FAM117B: variants seen among roughly 807,000 people sequenced by gnomAD.
FAM117B encodes the protein protein FAM117B.
In FAM117B, 22 loss-of-function variants were observed where a neutral mutation model predicts 52.8. The ratio of observed to expected loss-of-function variants is 0.42; its 90% CI spans 0.30 to 0.59. FAM117B has a LOEUF of 0.59. Among genes scored for constraint, FAM117B ranks in the 20% least tolerant of loss-of-function variants. The probability of loss-of-function intolerance (pLI) is 0.22; values close to 1 mark genes in which losing one functional copy is unlikely to be tolerated. For missense variants in FAM117B, 678 were observed against 802.6 expected (o/e 0.84, Z 1.88); for synonymous variants, 309 against 324.1 (o/e 0.95, Z 0.50).
At chr2:202,760,746 C>T (rs561246011) in intron 7 of FAM117B, among the ~76,000 whole-genome samples, 1 of 152,248 alleles carries the variant, frequency 6.6e-6, no homozygotes, top group East Asian at 1.9e-4. Context: ...TGCTAGTAAT[C>T]ATCTCAGTAA....
At chr2:202,645,825 C>G (rs1383171976) in intron 1 of FAM117B, among the ~76,000 whole-genome samples, 3 of 148,550 alleles carry the variant, frequency 2.0e-5, no homozygotes, top group East Asian at 4.1e-4. Flanking sequence ...AGGCTGGTCT[C>G]GAACTCCTGA....
At chr2:202,674,483 T>C (rs1033031334) in intron 1 of FAM117B, among the ~76,000 whole-genome samples, 19 of 152,316 alleles carry the variant, frequency 1.2e-4, no homozygotes, top group African/African-American at 4.1e-4. Context: ...AATTCCATAC[T>C]CTATCTACTC....
chr2:202,715,581 G>A (rs1417909705), intron 2 of FAM117B, among the ~76,000 whole-genome samples: 3 of 150,960 alleles, frequency 2.0e-5, no homozygotes, highest in Admixed American at 6.6e-5. Flanking sequence ...GGGAAGAGGC[G>A]CTCCTCACTT....
intron 1 of FAM117B, among the ~76,000 whole-genome samples, chr2:202,687,542 T>C (rs1159791916): frequency 6.6e-6 from 1 of 152,182 alleles, no homozygotes; most frequent in Non-Finnish European, 1.5e-5. Flanking sequence ...CTCTTGTAGC[T>C]GGGACTACAG....
chr2:202,718,361 T>G (rs1385643265), intron 2 of FAM117B, among the ~76,000 whole-genome samples: 1 of 151,736 alleles, frequency 6.6e-6, no homozygotes, highest in Non-Finnish European at 1.5e-5. Context: ...TTTATGAATT[T>G]TATTTTATTA....
At chr2:202,647,362 C>A (rs1042805045) in intron 1 of FAM117B, among the ~76,000 whole-genome samples, 6 of 152,090 alleles carry the variant, frequency 3.9e-5, no homozygotes, top group African/African-American at 9.7e-5. Context: ...CTATTCTAGA[C>A]CTGTACATAA....
intron 2 of FAM117B, among the ~76,000 whole-genome samples, chr2:202,707,661 C>T (rs915408973): frequency 6.6e-6 from 1 of 151,744 alleles, no homozygotes; most frequent in Middle Eastern, 3.2e-3. Flanking sequence ...GAGCTGAGAT[C>T]GTGCTACTGT....
intron 2 of FAM117B, among the ~76,000 whole-genome samples, chr2:202,706,493 G>C (rs182547197): frequency 1.3e-5 from 2 of 152,172 alleles, no homozygotes; most frequent in Non-Finnish European, 2.9e-5. Flanking sequence ...AACTTTGTAA[G>C]ATGTCCTGTG....
intron 1 of FAM117B, among the ~76,000 whole-genome samples, chr2:202,638,702 C>A (rs1371038066): frequency 2.6e-5 from 4 of 152,176 alleles, no homozygotes; most frequent in Non-Finnish European, 5.9e-5. Context: ...GGCGCGGTGG[C>A]TCACAGGGGT....
chr2:202,727,927 G>A (rs572205770), intron 4 of FAM117B, among the ~76,000 whole-genome samples: 1 of 152,268 alleles, frequency 6.6e-6, no homozygotes, highest in South Asian at 2.1e-4. Flanking sequence ...AACTGATTTT[G>A]CCCCAAAATA....
chr2:202,707,900 T>C (rs1690898407), intron 2 of FAM117B, among the ~76,000 whole-genome samples: 1 of 151,852 alleles, frequency 6.6e-6, no homozygotes, highest in Admixed American at 6.6e-5. Flanking sequence ...CCCGAGTAGC[T>C]GAGATTACAG....
At chr2:202,689,821 G>A (rs1690594384) in intron 1 of FAM117B, among the ~76,000 whole-genome samples, 2 of 152,022 alleles carry the variant, frequency 1.3e-5, no homozygotes, top group African/African-American at 4.8e-5. Context: ...TGGAGGCTGA[G>A]GTGGGAGGAT....
chr2:202,664,265 G>A (rs1448109809), intron 1 of FAM117B, among the ~76,000 whole-genome samples: 3 of 152,162 alleles, frequency 2.0e-5, no homozygotes, highest in African/African-American at 7.2e-5. Flanking sequence ...GACTCCAGAG[G>A]TTTTAAGCTG....
rs1397515258 is a variant in FAM117B, at chr2:202,765,690, C to T, written c.1696C>T (p.Arg566Ter). Reference sequence around the variant, plus strand: ...AAACACAGAGCAAGACCGAGTCTCTCGAGGAACAAGTACAGTCATGCCATC... The same window carrying T: ...AAACACAGAGCAAGACCGAGTCTCTTGAGGAACAAGTACAGTCATGCCATC... ...STNTEQDRVS[R>*]GTSTVMPSAS... The change falls in exon 8 of 8, where the codon CGA (arginine) becomes TGA (stop). Residue 566 changes from arginine (R) to a stop codon, truncating the protein, a stop_gained. Coordinates refer to ENST00000392238, the MANE Select transcript of FAM117B (RefSeq NM_173511.4). LOFTEE classifies it high-confidence loss of function. 5.0e-6 allele frequency: 8 copies of T among 1,614,004 alleles called. No individual in the cohort carries two copies. The highest frequency in any genetic ancestry group is 1.6e-4 in the Middle Eastern group (1 of 6,084).
chr2:202,672,617 A>G (rs546819643), intron 1 of FAM117B, among the ~76,000 whole-genome samples: 40 of 152,356 alleles, frequency 2.6e-4, no homozygotes, highest in African/African-American at 9.6e-4. Flanking sequence ...ACATTCTTAT[A>G]TAAGTCATTA....
intron 4 of FAM117B, among the ~76,000 whole-genome samples, chr2:202,738,130 T>C (rs372248483): frequency 1.1e-4 from 16 of 152,348 alleles, no homozygotes; most frequent in African/African-American, 3.6e-4. Flanking sequence ...TTATTAGTTT[T>C]GAGAGCTTAT....
chr2:202,695,680 A>G (rs1215047158), intron 1 of FAM117B, among the ~76,000 whole-genome samples: 1 of 152,214 alleles, frequency 6.6e-6, no homozygotes, highest in South Asian at 2.1e-4. Flanking sequence ...AGATATGTAT[A>G]TATAGGAAAA....
At chr2:202,740,257 G>T (rs1050210185) in intron 4 of FAM117B, among the ~76,000 whole-genome samples, 2 of 146,366 alleles carry the variant, frequency 1.4e-5, no homozygotes, top group Non-Finnish European at 3.0e-5. Context: ...CTACTCGGGA[G>T]GGTGAGGCAT....
chr2:202,643,963 G>C (rs943443195), intron 1 of FAM117B, among the ~76,000 whole-genome samples: 1 of 151,072 alleles, frequency 6.6e-6, no homozygotes, highest in Non-Finnish European at 1.5e-5. Flanking sequence ...ACCCGCCTTG[G>C]CCTCCCAAAA....
Sources: gnomAD v4.1 joint callset for allele counts (sites outside exome capture counted in the v4.1 genomes callset) on GRCh38, gnomAD v4.1.1 for gene constraint, MANE v1.5 for transcripts, NCBI Gene and HGNC (gene_info 2026-07-23, HGNC 2026-07-21) for gene names.